The following MGAT4C variants were observed in gnomAD, a reference collection of about 807,000 sequenced individuals.
The protein encoded by MGAT4C is alpha-1,3-mannosyl-glycoprotein 4-beta-N-acetylglucosaminyltransferase C.
A neutral mutation model predicts 40.1 loss-of-function variants in MGAT4C; 19 were observed. The ratio of observed to expected loss-of-function variants is 0.47; its 90% CI spans 0.33 to 0.70. MGAT4C has a LOEUF of 0.70. Ranked by LOEUF, MGAT4C falls within the 30% of genes least tolerant of loss-of-function variation. The pLI, the probability that MGAT4C is intolerant of heterozygous loss-of-function variation, is 0.02. For missense variants in MGAT4C, 491 were observed against 563.2 expected (o/e 0.87, Z 1.30); for synonymous variants, 181 against 187.1 (o/e 0.97, Z 0.27).
intron 2 of MGAT4C, among the ~76,000 whole-genome samples, chr12:86,650,599 T>C: frequency 6.6e-6 from 1 of 151,894 alleles, no homozygotes. Flanking sequence ...TATGATTCTC[T>C]TGCCCTCTAG....
At chr12:86,721,891 G>A (rs145122855) in intron 2 of MGAT4C, among the ~76,000 whole-genome samples, 2 of 152,172 alleles carry the variant, frequency 1.3e-5, no homozygotes, top group East Asian at 3.9e-4. Flanking sequence ...ATTCAAATCT[G>A]TGATTGCGAC....
intron 1 of MGAT4C, among the ~76,000 whole-genome samples, chr12:86,197,717 TATAG>T (rs1949874534): frequency 6.6e-6 from 1 of 152,184 alleles, no homozygotes; most frequent in Admixed American, 6.5e-5. Context: ...TACGTAGATA[TATAG>T]AGAGATGATA....
chr12:86,443,974 C>A (rs768399232), intron 2 of MGAT4C, among the ~76,000 whole-genome samples: 23 of 152,212 alleles, frequency 1.5e-4, no homozygotes, highest in Non-Finnish European at 2.9e-4. Flanking sequence ...ACTCCCTCTG[C>A]GTTAATTCAT....
intron 2 of MGAT4C, among the ~76,000 whole-genome samples, chr12:86,632,687 C>T (rs1038313343): frequency 7.1e-6 from 1 of 141,448 alleles, no homozygotes; most frequent in Non-Finnish European, 1.5e-5. Context: ...GTTTCTCGCT[C>T]ATAGGTGGGA....
intron 1 of MGAT4C, among the ~76,000 whole-genome samples, chr12:86,820,474 AC>A: frequency 6.6e-6 from 1 of 151,030 alleles, no homozygotes; most frequent in African/African-American, 2.4e-5. Context: ...ATGGGCTAAA[AC>A]AAATCTAGCA....
At chr12:86,416,160 G>A (rs1956707685) in intron 3 of MGAT4C, among the ~76,000 whole-genome samples, 1 of 151,998 alleles carries the variant, frequency 6.6e-6, no homozygotes, top group Non-Finnish European at 1.5e-5. Context: ...ACTAAGTCAA[G>A]ATAGCTAAGA....
At chr12:86,399,298 T>G (rs1956314200) in intron 3 of MGAT4C, among the ~76,000 whole-genome samples, 1 of 151,026 alleles carries the variant, frequency 6.6e-6, no homozygotes, top group South Asian at 2.1e-4. Flanking sequence ...TCTTTTCTTT[T>G]TTTTGAGACA....
chr12:86,699,339 A>G (rs983461074), intron 2 of MGAT4C, among the ~76,000 whole-genome samples: 1 of 152,184 alleles, frequency 6.6e-6, no homozygotes, highest in Non-Finnish European at 1.5e-5. Context: ...GCAAGAGACA[A>G]TTAGTTCCAT....
Position 85,966,646 on chromosome 12 carries a change from A to G in MGAT4C, c.*12643T>C, listed in dbSNP as rs1198645558. 1 of 152,126 alleles carries G rather than the reference A, an allele frequency of 6.6e-6. No homozygotes were observed. Among genetic ancestry groups the G allele is most frequent in the Admixed American group, 6.6e-5 (1 of 15,256 alleles). The allele number at this position is 152,126 out of a possible 1,614,324, so 9.4% of individuals were successfully genotyped here. On this transcript the variant is annotated 3_prime_UTR_variant, in exon 5 of 5. Transcript: ENST00000611864. ...TCACAATAGCAAAGACTTGGAACCA[A>G]TCCAAATGTCCAACAATGATAGACT...
chr12:86,495,669 G>A (rs1958223294), intron 2 of MGAT4C, among the ~76,000 whole-genome samples: 1 of 151,930 alleles, frequency 6.6e-6, no homozygotes, highest in Admixed American at 6.6e-5. Context: ...TTGTGGGGAT[G>A]GTGAAACCGG....
chr12:86,549,034 C>T (rs1191013938), intron 2 of MGAT4C, among the ~76,000 whole-genome samples: 2 of 152,090 alleles, frequency 1.3e-5, no homozygotes, highest in Non-Finnish European at 1.5e-5. Flanking sequence ...TGCCTGCCTA[C>T]TTCACAGGGA....
chr12:86,014,479 G>A (rs191375442), intron 2 of MGAT4C, among the ~76,000 whole-genome samples: 1 of 152,120 alleles, frequency 6.6e-6, no homozygotes, highest in Non-Finnish European at 1.5e-5. Flanking sequence ...AATCAAGAAG[G>A]CTGCCTGCAA....
chr12:86,417,887 C>CA (rs1461437618), intron 3 of MGAT4C, among the ~76,000 whole-genome samples: 1 of 151,944 alleles, frequency 6.6e-6, no homozygotes, highest in Middle Eastern at 3.2e-3. Flanking sequence ...AAAAAACAAG[C>CA]AAAACTACAA....
intron 2 of MGAT4C, among the ~76,000 whole-genome samples, chr12:86,555,522 C>A (rs1959566547): frequency 6.6e-6 from 1 of 152,008 alleles, no homozygotes; most frequent in African/African-American, 2.4e-5. Context: ...GGAAGGCTAC[C>A]CTGACGCACC....
chr12:86,026,668 C>A (rs1232055423), intron 2 of MGAT4C, among the ~76,000 whole-genome samples: 7 of 151,896 alleles, frequency 4.6e-5, no homozygotes, highest in Non-Finnish European at 7.4e-5. Flanking sequence ...ATACTTCCAG[C>A]TCCCCTTAGT....
intron 2 of MGAT4C, among the ~76,000 whole-genome samples, chr12:86,628,931 A>G (rs753412105): frequency 5.3e-5 from 8 of 152,282 alleles, no homozygotes; most frequent in Admixed American, 1.3e-4. Flanking sequence ...AAATTCCCCA[A>G]TTAAAAGACA....
At chr12:86,028,499 T>TC (rs1391214101) in intron 2 of MGAT4C, among the ~76,000 whole-genome samples, 1 of 151,902 alleles carries the variant, frequency 6.6e-6, no homozygotes, top group Non-Finnish European at 1.5e-5. Context: ...AACTTTTTTT[T>TC]CCCCAGATAA....
intron 1 of MGAT4C, among the ~76,000 whole-genome samples, chr12:86,166,628 T>G (rs1197119743): frequency 6.6e-6 from 1 of 152,132 alleles, no homozygotes; most frequent in Non-Finnish European, 1.5e-5. Context: ...GATGGGATCG[T>G]GTCACCACAC....
chr12:86,025,509 T>A (rs1043549333), intron 2 of MGAT4C, among the ~76,000 whole-genome samples: 1 of 151,808 alleles, frequency 6.6e-6, no homozygotes, highest in Non-Finnish European at 1.5e-5. Flanking sequence ...ATTAAACAGT[T>A]TTAAAAATTT....
Sources: allele counts gnomAD v4.1 joint callset (sites outside exome capture counted in the v4.1 genomes callset), GRCh38; gene constraint gnomAD v4.1.1; transcripts MANE v1.5; gene names NCBI Gene and HGNC (gene_info 2026-07-23, HGNC 2026-07-21).